Variants in RAD51 observed in about 807,000 individuals in gnomAD.
RAD51 encodes DNA repair protein RAD51 homolog 1.
Under a neutral mutation model 41.5 loss-of-function variants are expected in RAD51, and 14 were observed. The ratio of observed to expected loss-of-function variants is 0.34; its 90% CI spans 0.22 to 0.53. The LOEUF is 0.53. Among genes scored for constraint, RAD51 ranks in the 20% least tolerant of loss-of-function variants. RAD51 has a pLI of 0.95. For missense variants in RAD51, 234 were observed against 422.0 expected (o/e 0.55, Z 3.90); for synonymous variants, 136 against 148.6 (o/e 0.92, Z 0.62).
chr15:40,728,960 T>C (rs1463295902), intron 7 of RAD51, 136 bp downstream of exon 7: 2 of 783,918 alleles, frequency 2.6e-6, no homozygotes, highest in Non-Finnish European at 4.3e-6. Flanking sequence ...GTTGACACTC[T>C]TGCTTTGTAG....
chr15:40,697,063 T>C (rs968411707), intron 1 of RAD51, among the ~76,000 whole-genome samples: 2 of 152,160 alleles, frequency 1.3e-5, no homozygotes, highest in African/African-American at 4.8e-5. Flanking sequence ...CTTTGATGAA[T>C]AGAAGTGCTG....
intron 6 of RAD51, 94 bp downstream of exon 6, chr15:40,718,993 AC>A: frequency 8.8e-7 from 1 of 1,131,232 alleles, no homozygotes; most frequent in Non-Finnish European, 1.3e-6. Context: ...CTCTTCTATA[AC>A]CCCACGTCCC....
intron 5 of RAD51, among the ~76,000 whole-genome samples, chr15:40,711,044 A>T (rs1208239912): frequency 6.6e-6 from 1 of 152,190 alleles, no homozygotes; most frequent in Admixed American, 6.5e-5. Flanking sequence ...TGCCCAATAC[A>T]TTGTATTTAA....
intron 5 of RAD51, among the ~76,000 whole-genome samples, chr15:40,717,319 C>G (rs1389308237): frequency 6.6e-6 from 1 of 151,970 alleles, no homozygotes; most frequent in Admixed American, 6.6e-5. Flanking sequence ...GCCTGGGCAA[C>G]AAGAGCGAAA....
chr15:40,701,376 C>CTTTT (rs57054958), intron 3 of RAD51, among the ~76,000 whole-genome samples, 175 bp downstream of exon 3: 1 of 109,994 alleles, frequency 9.1e-6, no homozygotes, highest in Non-Finnish European at 1.8e-5. Flanking sequence ...TTTTTTCTTT[C>CTTTT]TTTTTTTTTT....
intron 6 of RAD51, among the ~76,000 whole-genome samples, chr15:40,723,693 A>AT (rs1055271443): frequency 6.6e-6 from 1 of 152,130 alleles, no homozygotes. Context: ...AAGTTGAGAG[A>AT]TTTTTTAGGG....
chr15:40,712,877 CTTTTTTTT>C (rs398039433), intron 5 of RAD51, among the ~76,000 whole-genome samples: 2 of 103,898 alleles, frequency 1.9e-5, no homozygotes, highest in South Asian at 3.5e-4. Flanking sequence ...CTTTTCTTTT[CTTTTTTTT>C]TTTTTTTTTT....
intron 6 of RAD51, among the ~76,000 whole-genome samples, chr15:40,723,070 G>A (rs1896363590): frequency 6.6e-6 from 1 of 152,024 alleles, no homozygotes; most frequent in African/African-American, 2.4e-5. Flanking sequence ...TCTCCAAAGA[G>A]GATATACAAA....
chr15:40,707,298 A>G (rs1380033162), intron 4 of RAD51, among the ~76,000 whole-genome samples: 1 of 133,674 alleles, frequency 7.5e-6, no homozygotes, highest in Non-Finnish European at 1.6e-5. Context: ...TGCCTGGCCC[A>G]ATGTCAGTTT....
chr15:40,706,312 C>T lies in RAD51; in HGVS notation c.343+18C>T. ...ACTTCAAGGTGTAGTAATCCTTTATCCTGTGTTGTGAACTCTAGTTAGGAA... is the reference window on the plus strand; with the variant it reads ...ACTTCAAGGTGTAGTAATCCTTTATTCTGTGTTGTGAACTCTAGTTAGGAA... On this transcript the variant is annotated intron_variant, in intron 4 of 9. Transcript: ENST00000267868. 6.4e-7 allele frequency: 1 copy of T among 1,562,906 alleles called. No individual in the cohort carries two copies.
At chr15:40,723,468 A>T (rs1596015317) in intron 6 of RAD51, among the ~76,000 whole-genome samples, 2 of 152,176 alleles carry the variant, frequency 1.3e-5, no homozygotes, top group African/African-American at 2.4e-5. Context: ...TGTTTTCTCC[A>T]TACAATGGGA....
chr15:40,727,694 C>A (rs2141877687), intron 6 of RAD51, among the ~76,000 whole-genome samples: 1 of 151,808 alleles, frequency 6.6e-6, no homozygotes, highest in Middle Eastern at 3.4e-3. Flanking sequence ...TTTTTTTCAC[C>A]ATACATTCAT....
Position 40,709,195 on chromosome 15 carries a change from G to A in RAD51, c.435+79G>A, listed in dbSNP as rs921162518. On this transcript the variant is annotated intron_variant, in intron 5 of 9. Transcript: ENST00000267868. ...CTATTTGCAAGCATCTGTTAGGATG[G>A]CCATAAAAGGTACTTTCTCTGTCCT... is the stretch of plus-strand genomic sequence containing the variant. 1.2e-5 allele frequency: 15 copies of A among 1,227,740 alleles called. No individual in the cohort carries two copies. In the Admixed American group the frequency reaches 2.6e-4, roughly 21 times the overall value. The allele number at this position is 1,227,740 out of a possible 1,614,324, so 76.1% of individuals were successfully genotyped here.
intron 5 of RAD51, 125 bp downstream of exon 5, chr15:40,709,241 A>G: frequency 1.2e-6 from 1 of 813,434 alleles, no homozygotes; most frequent in Non-Finnish European, 2.1e-6. Flanking sequence ...ATAGCTGTTA[A>G]TAGTTAGAAG....
At chr15:40,696,548 G>A (rs552511788) in intron 1 of RAD51, among the ~76,000 whole-genome samples, 76 of 152,282 alleles carry the variant, frequency 5.0e-4, no homozygotes, top group African/African-American at 1.8e-3. Context: ...CAACCTGGGC[G>A]ATAGAGCAAG....
intron 5 of RAD51, among the ~76,000 whole-genome samples, chr15:40,717,469 C>T (rs1377767934): frequency 1.3e-5 from 2 of 152,126 alleles, no homozygotes; most frequent in Non-Finnish European, 2.9e-5. Context: ...TACCCTTTAG[C>T]ATCATTCACT....
rs199613449 is a variant in RAD51 at position 40,702,086 on chromosome 15, ATATT to A, written c.225+893_225+896del. On this transcript the variant is annotated intron_variant, in intron 3 of 9. Transcript: ENST00000267868. ...TGTGAGCCACCGCGCCCCACCGCAA[ATATT>A]TATTTATAAAATTGTATTTTCACGT... Among the ~76,000 whole-genome samples the A allele has an allele frequency of 0.018, 2,788 of 152,116 alleles. 78 individuals are homozygous for A. Among genetic ancestry groups the A allele is most frequent in the African/African-American group, 0.064 (2,669 of 41,486 alleles).
intron 3 of RAD51, among the ~76,000 whole-genome samples, chr15:40,704,359 A>T (rs1395882376): frequency 7.7e-6 from 1 of 129,642 alleles, no homozygotes; most frequent in Middle Eastern, 6.3e-3. Flanking sequence ...CCACCGCGCC[A>T]GGCCTTTTTT....
intron 6 of RAD51, among the ~76,000 whole-genome samples, chr15:40,722,523 C>G (rs929199901): frequency 6.7e-6 from 1 of 149,860 alleles, no homozygotes; most frequent in Non-Finnish European, 1.5e-5. Flanking sequence ...GGTAGGGAGA[C>G]TGGGGAGTTG....
Sources: allele counts gnomAD v4.1 joint callset (sites outside exome capture counted in the v4.1 genomes callset), GRCh38; gene constraint gnomAD v4.1.1; transcripts MANE v1.5; gene names NCBI Gene and HGNC (gene_info 2026-07-23, HGNC 2026-07-21).